The following FAT3 variants were observed in gnomAD, a reference collection of about 807,000 sequenced individuals.
FAT3 encodes the protein protocadherin Fat 3.
FAT3 carries 95 observed loss-of-function variants against 310.2 expected under a neutral mutation model. The observed-to-expected ratio is 0.31, with a 90% CI of 0.26 to 0.36. FAT3 has a LOEUF of 0.36. Among genes scored for constraint, FAT3 ranks in the 10% least tolerant of loss-of-function variants. FAT3 has a pLI of 1.00. For synonymous variants in FAT3, 2,314 were observed against 2,192.9 expected, an observed-to-expected ratio of 1.06 and a Z score of -1.54; for missense variants, 5,408 against 5,715.6, an observed-to-expected ratio of 0.95 and a Z score of 1.74.
At position 92,448,469 on chromosome 11, in the gene FAT3, A is replaced by C. The variant is rs554798281; in HGVS notation, c.3293-76165A>C. 4.6e-5 allele frequency among the ~76,000 whole-genome samples: 7 copies of C among 152,320 alleles called. No individual in the cohort carries two copies. The South Asian group carries it at 1.5e-3, about 32-fold the overall frequency. Reference sequence around the variant, plus strand: ...ATGGAAACAGTAACTTTTCATATTAAGACTGACTTATCATTCTTACTAATC... The same window carrying C: ...ATGGAAACAGTAACTTTTCATATTACGACTGACTTATCATTCTTACTAATC... On this transcript the variant is annotated intron_variant, in intron 2 of 27. Transcript: ENST00000525166.
At chr11:92,528,417 C>G (rs988369782) in intron 3 of FAT3, among the ~76,000 whole-genome samples, 2 of 152,160 alleles carry the variant, frequency 1.3e-5, no homozygotes, top group Non-Finnish European at 2.9e-5. Flanking sequence ...CCTTCCAGTT[C>G]GCTCAGTCGC....
chr11:92,859,746 G>T (rs905715019), intron 21 of FAT3, among the ~76,000 whole-genome samples: 6 of 152,280 alleles, frequency 3.9e-5, no homozygotes, highest in African/African-American at 1.2e-4. Flanking sequence ...GAGACAGGGG[G>T]TATAGGAGAT....
At chr11:92,394,389 CA>C (rs1314731207) in intron 2 of FAT3, among the ~76,000 whole-genome samples, 1 of 151,948 alleles carries the variant, frequency 6.6e-6, no homozygotes, top group Non-Finnish European at 1.5e-5. Flanking sequence ...TTGGAGGCTG[CA>C]GAGAGCCGAG....
chr11:92,607,851 A>G (rs867837514), intron 3 of FAT3, among the ~76,000 whole-genome samples: 56 of 152,200 alleles, frequency 3.7e-4, no homozygotes, highest in African/African-American at 1.1e-3. Context: ...CCAGTTTTCT[A>G]TATACCTTTA....
At chr11:92,692,638 T>C (rs1414910191) in intron 3 of FAT3, among the ~76,000 whole-genome samples, 3 of 152,164 alleles carry the variant, frequency 2.0e-5, no homozygotes, top group African/African-American at 7.2e-5. Flanking sequence ...CCGAGAGGGC[T>C]TCACATAGAA....
intron 21 of FAT3, among the ~76,000 whole-genome samples, chr11:92,860,360 G>A (rs750171478): frequency 3.9e-5 from 6 of 152,120 alleles, no homozygotes; most frequent in East Asian, 1.9e-4. Flanking sequence ...ACTCCATGCC[G>A]TTAATCTCCA....
At chr11:92,277,665 G>A (rs116731906) in intron 1 of FAT3, among the ~76,000 whole-genome samples, 205 of 152,110 alleles carry the variant, frequency 1.3e-3, no homozygotes, top group African/African-American at 4.8e-3. Context: ...ATACATGGGC[G>A]TAAAGATGGC....
chr11:92,798,084 A>G lies in FAT3; in HGVS notation c.5071A>G (p.Ile1691Val), dbSNP rs1243605020. The G allele has an allele frequency of 3.7e-6, 6 of 1,613,830 alleles. No homozygotes were observed. The highest frequency in any genetic ancestry group is 5.1e-6 in the Non-Finnish European group (6 of 1,179,874). Reference protein sequence around the residue: ...NENVDIGTSVILISAISQSTL... With the variant: ...NENVDIGTSVVLISAISQSTL... ...AAATGTTGACATTGGAACATCAGTC[A>G]TTCTAATCTCTGCCATCAGTCAATC... Residue 1691 changes from isoleucine (I) to valine (V), a missense_variant, in exon 10 of 28, where the codon ATT (isoleucine) becomes GTT (valine). This residue lies in a region of FAT3 where 4,588 missense variants were observed against 4,809.8 expected (regional missense o/e 0.95). Coordinates refer to ENST00000525166, the MANE Select transcript of FAT3 (RefSeq NM_001367949.2).
intron 4 of FAT3, among the ~76,000 whole-genome samples, chr11:92,738,550 AG>A (rs1349447401): frequency 2.6e-5 from 4 of 152,216 alleles, no homozygotes; most frequent in African/African-American, 7.2e-5. Context: ...TTTACATTGC[AG>A]GTCCTCAAGG....
At chr11:92,598,620 G>C (rs981695529) in intron 3 of FAT3, among the ~76,000 whole-genome samples, 1 of 152,138 alleles carries the variant, frequency 6.6e-6, no homozygotes, top group African/African-American at 2.4e-5. Flanking sequence ...GCTCAGAAAG[G>C]TTATGTAACT....
intron 4 of FAT3, among the ~76,000 whole-genome samples, chr11:92,722,540 G>A (rs1345654486): frequency 6.6e-6 from 1 of 152,164 alleles, no homozygotes; most frequent in Non-Finnish European, 1.5e-5. Context: ...GAGAACAGTG[G>A]CCCTCTTCTC....
intron 19 of FAT3, among the ~76,000 whole-genome samples, chr11:92,853,197 C>T (rs763208422): frequency 7.2e-5 from 11 of 152,232 alleles, no homozygotes; most frequent in Non-Finnish European, 1.5e-4. Context: ...TGGGGTTCGG[C>T]CACTGTGCAC....
intron 1 of FAT3, among the ~76,000 whole-genome samples, chr11:92,288,128 A>G (rs1480782692): frequency 6.6e-6 from 1 of 152,124 alleles, no homozygotes; most frequent in Non-Finnish European, 1.5e-5. Context: ...GTACAGTAGA[A>G]TACTATTCAG....
intron 3 of FAT3, among the ~76,000 whole-genome samples, chr11:92,528,571 A>G (rs1953958294): frequency 6.6e-6 from 1 of 152,178 alleles, no homozygotes; most frequent in Non-Finnish European, 1.5e-5. Context: ...TATTTTTAGT[A>G]GAAACGGGGT....
intron 3 of FAT3, among the ~76,000 whole-genome samples, chr11:92,527,191 C>T (rs533213953): frequency 2.6e-4 from 40 of 152,178 alleles, no homozygotes; most frequent in Admixed American, 1.1e-3. Flanking sequence ...TTTCTAACTA[C>T]GAAACACCAT....
At chr11:92,677,058 G>A (rs1200840044) in intron 3 of FAT3, among the ~76,000 whole-genome samples, 1 of 152,190 alleles carries the variant, frequency 6.6e-6, no homozygotes, top group Admixed American at 6.5e-5. Flanking sequence ...GTTAAACTAG[G>A]TTATTATTAT....
rs1470656509 is a variant in FAT3 at position 92,891,691 on chromosome 11, A to G, written c.*578A>G. ...ATTTTCAGCTATAAAATTAGGCTTG[A>G]ATAACATGTTTAGTATGCTCAGTTA... On this transcript the variant is annotated 3_prime_UTR_variant, in exon 28 of 28. Transcript: ENST00000525166. 1.2e-5 allele frequency: 2 copies of G among 161,164 alleles called. No individual in the cohort carries two copies. Among genetic ancestry groups the G allele is most frequent in the South Asian group, 1.7e-4 (1 of 5,822 alleles). 10.0% of individuals were successfully genotyped at this position (161,164 alleles called of 1,614,324 possible). A position where few individuals can be genotyped will look rare whatever the true frequency, so the allele number is the denominator to read the frequency against.
chr11:92,451,081 G>A (rs1951341415), intron 2 of FAT3, among the ~76,000 whole-genome samples: 1 of 152,016 alleles, frequency 6.6e-6, no homozygotes, highest in African/African-American at 2.4e-5. Context: ...TCCAATAGAT[G>A]AGCAGAAAGG....
intron 2 of FAT3, among the ~76,000 whole-genome samples, chr11:92,484,771 TA>T (rs1413533205): frequency 6.6e-6 from 1 of 152,254 alleles, no homozygotes; most frequent in Non-Finnish European, 1.5e-5. Flanking sequence ...TGTTCGCTTC[TA>T]CGCTGCATCT....
Sources: allele counts gnomAD v4.1 joint callset (sites outside exome capture counted in the v4.1 genomes callset), GRCh38; gene constraint gnomAD v4.1.1; regional missense constraint gnomAD v4.1.1; transcripts MANE v1.5; gene names NCBI Gene and HGNC (gene_info 2026-07-23, HGNC 2026-07-21).